The following NRF1 variants were observed in gnomAD, a reference collection of about 807,000 sequenced individuals.
The protein encoded by NRF1 is alpha palindromic-binding protein.
In NRF1, 5 loss-of-function variants were observed where a neutral mutation model predicts 58.5. The ratio of observed to expected loss-of-function variants is 0.09; its 90% CI spans 0.04 to 0.18. NRF1 has a LOEUF of 0.18. NRF1 is among the 10% of genes least tolerant of loss of function. The pLI is 1.00. For synonymous variants in NRF1, 224 were observed against 246.7 expected (o/e 0.91, Z 0.86); for missense variants, 288 against 657.7 (o/e 0.44, Z 6.15).
intron 1 of NRF1, among the ~76,000 whole-genome samples, chr7:129,655,044 A>G (rs187171153): frequency 6.6e-6 from 1 of 152,368 alleles, no homozygotes; most frequent in African/African-American, 2.4e-5. Context: ...TCAGGTTGGA[A>G]GAACTGACAT....
chr7:129,621,111 A>G (rs1800788768), intron 1 of NRF1, among the ~76,000 whole-genome samples: 1 of 152,192 alleles, frequency 6.6e-6, no homozygotes, highest in South Asian at 2.1e-4. Flanking sequence ...TCTTTTTGAA[A>G]TTTTAGATAA....
intron 1 of NRF1, among the ~76,000 whole-genome samples, chr7:129,655,546 C>T (rs539508462): frequency 2.0e-5 from 3 of 151,802 alleles, no homozygotes; most frequent in Admixed American, 6.6e-5. Flanking sequence ...GACAGAGTCC[C>T]GCCGTTGCTG....
chr7:129,698,605 T>C (rs1213395852), intron 5 of NRF1, among the ~76,000 whole-genome samples: 1 of 152,120 alleles, frequency 6.6e-6, no homozygotes, highest in Non-Finnish European at 1.5e-5. Flanking sequence ...GTAAATTTCT[T>C]TTAGGATACT....
intron 5 of NRF1, among the ~76,000 whole-genome samples, chr7:129,707,424 A>T (rs542892315): frequency 1.3e-4 from 20 of 152,260 alleles, no homozygotes; most frequent in Non-Finnish European, 2.4e-4. Flanking sequence ...AAGGGAGTTT[A>T]TGAAAGTCTA....
intron 1 of NRF1, among the ~76,000 whole-genome samples, chr7:129,640,028 A>G (rs1360604821): frequency 6.6e-6 from 1 of 152,200 alleles, no homozygotes; most frequent in Non-Finnish European, 1.5e-5. Context: ...AACTGCATTT[A>G]TTCCTGTGGC....
In NRF1 at chr7:129,757,054, A is replaced by G. The variant is rs1043369128; in HGVS notation, c.*1873A>G. 1 of 152,624 alleles carries G rather than the reference A, an allele frequency of 6.6e-6. No individual in the cohort carries two copies. The highest frequency in any genetic ancestry group is 2.1e-4 in the South Asian group (1 of 4,834). The allele number at this position is 152,624 out of a possible 1,614,324, so 9.5% of individuals were successfully genotyped here. A position where few individuals can be genotyped will look rare whatever the true frequency, so the allele number is the denominator to read the frequency against. On this transcript the variant is annotated 3_prime_UTR_variant, in exon 11 of 11. Transcript: ENST00000393232. ...ATTCTGTCTTTGACTGCCTCATTCA[A>G]TAAATAGTTAAAAATGTGGCAACAG...
At chr7:129,628,334 T>G (rs937749560) in intron 1 of NRF1, among the ~76,000 whole-genome samples, 1 of 151,940 alleles carries the variant, frequency 6.6e-6, no homozygotes, top group Non-Finnish European at 1.5e-5. Context: ...CCTTTTACTC[T>G]CATAAAAATT....
At chr7:129,629,790 G>A (rs1407409717) in intron 1 of NRF1, among the ~76,000 whole-genome samples, 4 of 152,022 alleles carry the variant, frequency 2.6e-5, no homozygotes, top group Admixed American at 6.5e-5. Context: ...CCTTTTTATC[G>A]TGAGCACATG....
At chr7:129,697,727 CT>C (rs1562974386) in intron 5 of NRF1, among the ~76,000 whole-genome samples, 1 of 126,934 alleles carries the variant, frequency 7.9e-6, no homozygotes, top group Non-Finnish European at 1.8e-5. Context: ...TAAACATTTA[CT>C]TTTTTTGTTT....
intron 5 of NRF1, among the ~76,000 whole-genome samples, chr7:129,697,526 C>T (rs1802727451): frequency 6.8e-6 from 1 of 147,264 alleles, no homozygotes; most frequent in Non-Finnish European, 1.5e-5. Flanking sequence ...CCAGCTTGGG[C>T]GACAGAGTGA....
chr7:129,660,296 C>A (rs1801751162), intron 2 of NRF1, among the ~76,000 whole-genome samples: 1 of 146,296 alleles, frequency 6.8e-6, no homozygotes, highest in Admixed American at 6.6e-5. Context: ...CACCCCTGGC[C>A]CCTCCCAAAT....
chr7:129,621,245 A>C (rs895670307), intron 1 of NRF1, among the ~76,000 whole-genome samples: 6 of 152,146 alleles, frequency 3.9e-5, no homozygotes, highest in Non-Finnish European at 8.8e-5. Context: ...CCACCCTCAA[A>C]ATAAATTAAT....
At chr7:129,704,252 T>C (rs1802900012) in intron 5 of NRF1, among the ~76,000 whole-genome samples, 1 of 152,126 alleles carries the variant, frequency 6.6e-6, no homozygotes, top group Non-Finnish European at 1.5e-5. Context: ...TCTAGCACCC[T>C]TTATTTCTCA....
At chr7:129,693,463 G>A (rs1479747909) in intron 5 of NRF1, among the ~76,000 whole-genome samples, 2 of 152,100 alleles carry the variant, frequency 1.3e-5, no homozygotes, top group African/African-American at 4.8e-5. Context: ...CCCGCAAGAC[G>A]CATGTGACCC....
At chr7:129,746,054 GCACC>G (rs1365273253) in intron 10 of NRF1, among the ~76,000 whole-genome samples, 1 of 152,188 alleles carries the variant, frequency 6.6e-6, no homozygotes, top group Non-Finnish European at 1.5e-5. Context: ...GTGCTGAAAA[GCACC>G]CTGTGCACCA....
At chr7:129,716,285 G>A (rs1803187374) in intron 8 of NRF1, among the ~76,000 whole-genome samples, 1 of 152,028 alleles carries the variant, frequency 6.6e-6, no homozygotes, top group Admixed American at 6.6e-5. Flanking sequence ...ACATTACATG[G>A]AAATATTGTA....
At chr7:129,624,634 G>A (rs1213954759) in intron 1 of NRF1, among the ~76,000 whole-genome samples, 1 of 152,052 alleles carries the variant, frequency 6.6e-6, no homozygotes, top group Non-Finnish European at 1.5e-5. Flanking sequence ...AAGATATTTG[G>A]ATGGTTGGAA....
intron 2 of NRF1, among the ~76,000 whole-genome samples, chr7:129,669,364 C>G (rs561695104): frequency 5.1e-4 from 77 of 152,300 alleles, no homozygotes; most frequent in African/African-American, 1.6e-3. Flanking sequence ...AAATATTGAA[C>G]TCTAGCTAAT....
At chr7:129,646,949 A>G (rs188012506) in intron 1 of NRF1, among the ~76,000 whole-genome samples, 2 of 152,294 alleles carry the variant, frequency 1.3e-5, no homozygotes, top group Admixed American at 1.3e-4. Flanking sequence ...ATTACCCACA[A>G]TCATTTATCA....
Sources: allele counts gnomAD v4.1 joint callset (sites outside exome capture counted in the v4.1 genomes callset), GRCh38; gene constraint gnomAD v4.1.1; transcripts MANE v1.5; gene names NCBI Gene and HGNC (gene_info 2026-07-23, HGNC 2026-07-21).